ABL2: variants seen among roughly 807,000 people sequenced by gnomAD.
The protein encoded by ABL2 is ABL proto-oncogene 2, non-receptor tyrosine kinase.
A neutral mutation model predicts 107.7 loss-of-function variants in ABL2; 49 were observed. That is an observed-to-expected ratio of 0.45 (90% CI 0.36 to 0.58). The LOEUF (loss-of-function observed/expected upper bound fraction) is 0.58, where lower values mean the gene tolerates loss of function less well. Among genes scored for constraint, ABL2 ranks in the 20% least tolerant of loss-of-function variants. The pLI is 0.00. For synonymous variants in ABL2, 549 were observed against 548.6 expected, an observed-to-expected ratio of 1.00 and a Z score of -0.01; for missense variants, 1,245 against 1,457.0, an observed-to-expected ratio of 0.85 and a Z score of 2.37.
chr1:179,107,881 T>G lies in ABL2; in HGVS notation c.3386A>C (p.Gln1129Pro). Residue 1129 changes from glutamine (Q) to proline (P), a missense_variant, in exon 12 of 12, where the codon CAA becomes CCA. Physicochemically the swap from Gln to Pro is moderately conservative, Grantham distance 76 (BLOSUM62 -1). Around this residue, in one of 3 missense-constraint regions of ABL2, gnomAD observed 761 missense variants for 766.4 expected, o/e 0.99. Transcript: ENST00000502732. ...TCGGAAGGCAAATTTGTTGCGAGTTTGAGGGATGCAGTCCACATAGCCTGA... is the reference window on the plus strand; with the variant it reads ...TCGGAAGGCAAATTTGTTGCGAGTTGGAGGGATGCAGTCCACATAGCCTGA... ...YCSGYVDCIP[Q>P]TRNKFAFREA... is the part of the protein sequence containing the mutation. The G allele has an allele frequency of 6.2e-7, 1 of 1,614,236 alleles. No individual in the cohort carries two copies. The highest frequency in any genetic ancestry group is 1.1e-5 in the South Asian group (1 of 91,082).
chr1:179,151,269 T>C (rs925532983), intron 1 of ABL2, among the ~76,000 whole-genome samples: 1 of 152,226 alleles, frequency 6.6e-6, no homozygotes, highest in Non-Finnish European at 1.5e-5. Flanking sequence ...ATCAGAACTA[T>C]GCTTATCCTC....
At chr1:179,118,850 T>G in intron 6 of ABL2, 86 bp from the exon 7 acceptor site, 1 of 1,438,548 alleles carries the variant, frequency 7.0e-7, no homozygotes, top group Non-Finnish European at 9.6e-7. Context: ...TTGACAATTT[T>G]TCAGGTCTAG....
At chr1:179,118,370 G>C (rs1464823352) in intron 7 of ABL2, among the ~76,000 whole-genome samples, 1 of 152,084 alleles carries the variant, frequency 6.6e-6, no homozygotes, top group Non-Finnish European at 1.5e-5. Context: ...TTTTAAGAGA[G>C]TTCTCAGGTT....
chr1:179,113,594 G>A (rs980579149), intron 9 of ABL2, among the ~76,000 whole-genome samples: 2 of 152,182 alleles, frequency 1.3e-5, no homozygotes, highest in African/African-American at 4.8e-5. Context: ...GAGACCAGGA[G>A]TTCGAGACCA....
At chr1:179,181,289 A>G (rs1329169930) in intron 1 of ABL2, among the ~76,000 whole-genome samples, 1 of 152,230 alleles carries the variant, frequency 6.6e-6, no homozygotes, top group Non-Finnish European at 1.5e-5. Context: ...ATTTCTGAAG[A>G]GGAAAATAAT....
chr1:179,190,541 T>TGTTGATGAC (rs951791623), intron 1 of ABL2, among the ~76,000 whole-genome samples: 4 of 152,076 alleles, frequency 2.6e-5, no homozygotes, highest in African/African-American at 4.8e-5. Flanking sequence ...CACTGGCCAT[T>TGTTGATGAC]GTTGATGACG....
At position 179,105,432 on chromosome 1, in the gene ABL2, T is replaced by C. The variant is rs1408245302; in HGVS notation, c.*2286A>G. ...ATATTCTACAGTTTTAGCTTTCCCATCCTCGACCTTAAAAGGCTAGCTGCT... is the reference window on the plus strand; with the variant it reads ...ATATTCTACAGTTTTAGCTTTCCCACCCTCGACCTTAAAAGGCTAGCTGCT... On this transcript the variant is annotated 3_prime_UTR_variant, in exon 12 of 12. Transcript: ENST00000502732. 5 of 231,060 alleles carry C rather than the reference T, an allele frequency of 2.2e-5. No homozygotes were observed. Among genetic ancestry groups the C allele is most frequent in the East Asian group, 6.1e-5 (1 of 16,340 alleles). 14.3% of individuals were successfully genotyped at this position (231,060 alleles called of 1,614,324 possible). A position where few individuals can be genotyped will look rare whatever the true frequency, so the allele number is the denominator to read the frequency against.
chr1:179,118,096 T>C (rs1202647165), intron 7 of ABL2, among the ~76,000 whole-genome samples: 1 of 151,034 alleles, frequency 6.6e-6, no homozygotes, highest in African/African-American at 2.4e-5. Flanking sequence ...GAGGGTGCAG[T>C]AAGCTAAGAT....
At chr1:179,135,020 G>A (rs938981585) in intron 1 of ABL2, among the ~76,000 whole-genome samples, 16 of 152,244 alleles carry the variant, frequency 1.1e-4, no homozygotes, top group Non-Finnish European at 2.1e-4. Flanking sequence ...ACGGAGTCTC[G>A]TTCACTCAGT....
chr1:179,139,028 T>C (rs970340623), intron 1 of ABL2, among the ~76,000 whole-genome samples: 6 of 152,166 alleles, frequency 3.9e-5, no homozygotes, highest in Non-Finnish European at 7.4e-5. Flanking sequence ...CCCCCAGCAG[T>C]GCCAGCCCAC....
At chr1:179,194,274 G>A (rs536152427) in intron 1 of ABL2, among the ~76,000 whole-genome samples, 55 of 152,188 alleles carry the variant, frequency 3.6e-4, no homozygotes, top group Middle Eastern at 6.8e-3. Flanking sequence ...ACATGAGCAC[G>A]AATTTAGTAA....
At position 179,103,672 on chromosome 1, in the gene ABL2, G is replaced by A. The variant is rs1425427151; in HGVS notation, c.*4046C>T. The A allele has an allele frequency of 4.4e-6, 1 of 225,352 alleles. No homozygotes were observed. The highest frequency in any genetic ancestry group is 8.8e-6 in the Non-Finnish European group (1 of 113,042). The allele number at this position is 225,352 out of a possible 1,614,324, so 14.0% of individuals were successfully genotyped here. ...ATTACTCCACATTCAAGCCCCTTAA[G>A]GTCAAAGTGTCAGGAGCATGTGCTT... On this transcript the variant is annotated 3_prime_UTR_variant, in exon 12 of 12. Transcript: ENST00000502732.
At chr1:179,142,907 C>A (rs1395576428) in intron 1 of ABL2, 2 of 1,609,732 alleles carry the variant, frequency 1.2e-6, no homozygotes, top group Non-Finnish European at 1.7e-6. Context: ...TCAAGCCTCC[C>A]TGAAACTATC....
chr1:179,147,181 CAAAAAAAAAAAAA>C (rs58297805), intron 1 of ABL2, among the ~76,000 whole-genome samples: 13 of 50,536 alleles, frequency 2.6e-4, no homozygotes, highest in South Asian at 1.7e-3. Context: ...CAGAGAAATG[CAAAAAAAAAAAAA>C]AAAAAAAAAA....
intron 9 of ABL2, among the ~76,000 whole-genome samples, chr1:179,113,312 G>C (rs1654286981): frequency 6.6e-6 from 1 of 152,166 alleles, no homozygotes. Flanking sequence ...TTAGAAAATG[G>C]CAAGTTTTCT....
chr1:179,120,116 G>T, intron 6 of ABL2, 74 bp downstream of exon 6: 1 of 889,536 alleles, frequency 1.1e-6, no homozygotes, highest in Non-Finnish European at 1.7e-6. Context: ...AAAAAAAAAA[G>T]CATTTGGAGA....
chr1:179,225,054 C>CA (rs1428613513), intron 1 of ABL2, among the ~76,000 whole-genome samples: 4 of 151,482 alleles, frequency 2.6e-5, no homozygotes, highest in African/African-American at 4.8e-5. Flanking sequence ...AAAGAGTTGA[C>CA]AAAAAAAATA....
At position 179,099,986 on chromosome 1, in the gene ABL2, TC is replaced by T. The variant is rs375812293; in HGVS notation, c.*7731del. The stretch of plus-strand genomic sequence containing the variant: ...TCTGAGCGATTCCTCTTTTACTTAC[TC>T]CCCCTTTCTTAATGGGCACGACAGC... On this transcript the variant is annotated 3_prime_UTR_variant, in exon 12 of 12. Coordinates refer to ENST00000502732, the MANE Select transcript of ABL2 (RefSeq NM_007314.4). 1 of 232,310 alleles carries T rather than the reference TC, an allele frequency of 4.3e-6. No homozygotes were observed. The highest frequency in any genetic ancestry group is 2.2e-5 in the African/African-American group (1 of 45,248). 14.4% of individuals were successfully genotyped at this position (232,310 alleles called of 1,614,324 possible).
chr1:179,184,584 G>T, intron 1 of ABL2: 1 of 563,844 alleles, frequency 1.8e-6, no homozygotes, highest in Admixed American at 2.6e-5. Context: ...AGGAGGAGGA[G>T]GAGGAGGAAG....
Sources: allele counts gnomAD v4.1 joint callset (sites outside exome capture counted in the v4.1 genomes callset), GRCh38; gene constraint gnomAD v4.1.1; regional missense constraint gnomAD v4.1.1; transcripts MANE v1.5; gene names NCBI Gene and HGNC (gene_info 2026-07-23, HGNC 2026-07-21).